SAMD5: variants seen among roughly 807,000 people sequenced by gnomAD.
SAMD5 encodes sterile alpha motif domain containing 5.
In SAMD5, 13 loss-of-function variants were observed where a neutral mutation model predicts 11.3. That is an observed-to-expected ratio of 1.15 (90% CI 0.75 to 1.83). SAMD5 has a LOEUF of 1.83. SAMD5 is among the 40% of genes most tolerant of loss of function. SAMD5 has a pLI of 0.00. For missense variants in SAMD5, 255 were observed against 239.1 expected (o/e 1.07, Z -0.44); for synonymous variants, 129 against 111.3 (o/e 1.16, Z -1.00).
intron 1 of SAMD5, among the ~76,000 whole-genome samples, chr6:147,639,989 AT>A (rs1436318040): frequency 1.3e-5 from 2 of 152,096 alleles, no homozygotes; most frequent in African/African-American, 4.8e-5. Context: ...TGAAATCTGA[AT>A]TGTTCAGCTG....
At chr6:147,899,041 C>T in the SAMD5 span, among the ~76,000 whole-genome samples, 17 of 151,548 alleles carry the variant, frequency 1.1e-4, no homozygotes, top group African/African-American at 2.9e-4. Context: ...ATTAGCCAGG[C>T]GTGGTGGCAG....
intron 1 of SAMD5, among the ~76,000 whole-genome samples, chr6:147,605,308 T>C (rs1453391542): frequency 6.6e-6 from 1 of 152,100 alleles, no homozygotes; most frequent in Non-Finnish European, 1.5e-5. Context: ...GAGATGGGGG[T>C]CTCACTCTGT....
intron 1 of SAMD5, among the ~76,000 whole-genome samples, chr6:147,688,492 T>G (rs1356444608): frequency 1.3e-5 from 2 of 152,236 alleles, no homozygotes; most frequent in Non-Finnish European, 2.9e-5. Context: ...ATTTGAAATT[T>G]GGTTTTAACC....
At chr6:147,775,152 C>T in the SAMD5 span, among the ~76,000 whole-genome samples, 1 of 152,124 alleles carries the variant, frequency 6.6e-6, no homozygotes, top group Admixed American at 6.5e-5. Flanking sequence ...GTTCACTGGG[C>T]AGGCTTGAAC....
the SAMD5 span, among the ~76,000 whole-genome samples, chr6:147,873,305 A>C: frequency 6.6e-6 from 1 of 151,834 alleles, no homozygotes; most frequent in Non-Finnish European, 1.5e-5. Flanking sequence ...TGAACCAAGG[A>C]GGCAGAGGTT....
chr6:147,523,911 G>C (rs1293127232), intron 1 of SAMD5, among the ~76,000 whole-genome samples: 1 of 152,138 alleles, frequency 6.6e-6, no homozygotes, highest in East Asian at 1.9e-4. Context: ...GGCTTGTACA[G>C]TAGGAAAACA....
At chr6:147,579,558 C>A (rs970471413) in intron 1 of SAMD5, among the ~76,000 whole-genome samples, 1 of 145,228 alleles carries the variant, frequency 6.9e-6, no homozygotes, top group African/African-American at 2.6e-5. Flanking sequence ...CTCTCCCTCC[C>A]AAGTTCAAGC....
the SAMD5 span, among the ~76,000 whole-genome samples, chr6:147,909,622 T>TTCTCTCTCTCTCTCTCTCTCTCTCTCTC: frequency 4.3e-5 from 3 of 69,766 alleles, no homozygotes; most frequent in African/African-American, 2.4e-4. Flanking sequence ...CTTTCTTTCT[T>TTCTCTCTCTCTCTCTCTCTCTCTCTCTC]TCTTTCTTTC....
chr6:147,709,270 G>T (rs1791364786), intron 1 of SAMD5, among the ~76,000 whole-genome samples: 1 of 152,110 alleles, frequency 6.6e-6, no homozygotes, highest in Non-Finnish European at 1.5e-5. Context: ...GTCAGGATTG[G>T]CAAATCTCTT....
chr6:147,584,458 A>G (rs962215341), intron 1 of SAMD5, among the ~76,000 whole-genome samples: 1 of 152,194 alleles, frequency 6.6e-6, no homozygotes, highest in African/African-American at 2.4e-5. Flanking sequence ...AGTACTGGAC[A>G]GTGGCCACTT....
the SAMD5 span, among the ~76,000 whole-genome samples, chr6:147,790,783 TCTCTCTCTC>T: frequency 2.0e-5 from 2 of 100,280 alleles, no homozygotes; most frequent in African/African-American, 4.0e-5. Context: ...TCTCTCTCTC[TCTCTCTCTC>T]TCTCTCTCTC....
the SAMD5 span, among the ~76,000 whole-genome samples, chr6:147,923,744 C>T: frequency 6.6e-6 from 1 of 152,126 alleles, no homozygotes; most frequent in Non-Finnish European, 1.5e-5. Flanking sequence ...AGTCTGATAG[C>T]TCAAAGTAAA....
At chr6:147,583,723 T>C (rs1789333805) in intron 1 of SAMD5, among the ~76,000 whole-genome samples, 1 of 151,984 alleles carries the variant, frequency 6.6e-6, no homozygotes, top group African/African-American at 2.4e-5. Flanking sequence ...TTCTGCCCCA[T>C]AGAACGGTAA....
intron 1 of SAMD5, among the ~76,000 whole-genome samples, chr6:147,624,018 T>C (rs1028193528): frequency 5.3e-5 from 8 of 152,094 alleles, no homozygotes; most frequent in Non-Finnish European, 7.4e-5. Flanking sequence ...TACAGGCGTG[T>C]GCCACCACGC....
chr6:147,810,763 GAA>G, the SAMD5 span, among the ~76,000 whole-genome samples: 1 of 152,172 alleles, frequency 6.6e-6, no homozygotes, highest in African/African-American at 2.4e-5. Context: ...ATGGTACAAA[GAA>G]TGCACTATTA....
the SAMD5 span, among the ~76,000 whole-genome samples, chr6:147,930,518 C>G: frequency 6.6e-6 from 1 of 152,098 alleles, no homozygotes; most frequent in East Asian, 1.9e-4. Flanking sequence ...GGAGAATTGG[C>G]TCAGAGGATG....
At chr6:147,723,321 A>G (rs971844001) in intron 1 of SAMD5, among the ~76,000 whole-genome samples, 1 of 152,198 alleles carries the variant, frequency 6.6e-6, no homozygotes, top group African/African-American at 2.4e-5. Context: ...TTTTAGGTCC[A>G]TGAGCATTTC....
At chr6:147,763,482 A>G in the SAMD5 span, among the ~76,000 whole-genome samples, 2 of 144,240 alleles carry the variant, frequency 1.4e-5, no homozygotes, top group African/African-American at 2.6e-5. Context: ...TTTTTTTTTT[A>G]TTAACCAGAG....
At chr6:147,620,039 A>G (rs114462619) in intron 1 of SAMD5, among the ~76,000 whole-genome samples, 1 of 152,336 alleles carries the variant, frequency 6.6e-6, no homozygotes, top group African/African-American at 2.4e-5. Flanking sequence ...TAATCAAAAT[A>G]AGTTGAATGT....
Sources: allele counts gnomAD v4.1 joint callset (sites outside exome capture counted in the v4.1 genomes callset), GRCh38; gene constraint gnomAD v4.1.1; transcripts MANE v1.5; gene names NCBI Gene and HGNC (gene_info 2026-07-23, HGNC 2026-07-21).